Variants in GRIK1 observed in about 807,000 individuals in gnomAD.
GRIK1 encodes the protein glutamate receptor ionotropic, kainate 1.
A neutral mutation model predicts 105.7 loss-of-function variants in GRIK1; 69 were observed. The observed-to-expected ratio is 0.65, with a 90% confidence interval of 0.54 to 0.80. The LOEUF is 0.80. Among genes scored for constraint, GRIK1 ranks in the 30% least tolerant of loss-of-function variants. The probability of loss-of-function intolerance (pLI) is 0.00; values close to 1 mark genes in which losing one functional copy is unlikely to be tolerated. For synonymous variants in GRIK1, 438 were observed against 431.3 expected, an observed-to-expected ratio of 1.02 and a Z score of -0.19; for missense variants, 1,109 against 1,167.3, an observed-to-expected ratio of 0.95 and a Z score of 0.73.
intron 1 of GRIK1, among the ~76,000 whole-genome samples, chr21:29,807,151 T>C (rs1033428537): frequency 1.3e-5 from 2 of 152,170 alleles, no homozygotes; most frequent in Admixed American, 6.6e-5. Flanking sequence ...CAACAATTCT[T>C]CAAGGGATGA....
At chr21:29,627,223 C>T (rs1347243431) in intron 7 of GRIK1, among the ~76,000 whole-genome samples, 1 of 152,192 alleles carries the variant, frequency 6.6e-6, no homozygotes, top group East Asian at 1.9e-4. Flanking sequence ...TGTTAGCACT[C>T]TCTTTCCCAA....
chr21:29,846,590 T>G (rs35956247), intron 1 of GRIK1, among the ~76,000 whole-genome samples: 2 of 152,164 alleles, frequency 1.3e-5, no homozygotes, highest in South Asian at 4.1e-4. Context: ...ATCCATATTG[T>G]TTTTCTGTGA....
At chr21:29,921,481 GTT>G (rs1453708360) in intron 1 of GRIK1, among the ~76,000 whole-genome samples, 1 of 152,068 alleles carries the variant, frequency 6.6e-6, no homozygotes, top group Non-Finnish European at 1.5e-5. Flanking sequence ...TAAAAGTTGA[GTT>G]TTCATAAATC....
At chr21:29,695,476 C>CTATCTATATATA (rs201600727) in intron 1 of GRIK1, among the ~76,000 whole-genome samples, 38 of 139,946 alleles carry the variant, frequency 2.7e-4, no homozygotes, top group Non-Finnish European at 4.9e-4. Context: ...ATCTATCTAT[C>CTATCTATATATA]TATATATATA....
intron 1 of GRIK1, among the ~76,000 whole-genome samples, chr21:29,808,172 C>T (rs528643700): frequency 2.0e-5 from 3 of 152,122 alleles, no homozygotes; most frequent in Non-Finnish European, 4.4e-5. Context: ...GTTTTCAAGT[C>T]GGGTCTGAAG....
At position 29,672,841 on chromosome 21, in the gene GRIK1, G is replaced by A. The variant is rs1356195446; in HGVS notation, c.726+142C>T. 1.8e-5 allele frequency: 12 copies of A among 656,666 alleles called. No individual in the cohort carries two copies. In the African/African-American group the frequency reaches 2.2e-4, roughly 12 times the overall value. 40.7% of individuals were successfully genotyped at this position (656,666 alleles called of 1,614,324 possible). ...CTCTGAGCCCCTTGCCTGTTTAAAAGGGCTCTGAAAATTATAATCTTTAGC... is the reference window on the plus strand; with the variant it reads ...CTCTGAGCCCCTTGCCTGTTTAAAAAGGCTCTGAAAATTATAATCTTTAGC... On this transcript the variant is annotated intron_variant, in intron 4 of 17. Coordinates refer to ENST00000327783, the MANE Select transcript of GRIK1 (RefSeq NM_001330994.2).
chr21:29,629,068 T>C (rs2062197515), intron 7 of GRIK1, among the ~76,000 whole-genome samples: 1 of 152,198 alleles, frequency 6.6e-6, no homozygotes, highest in Non-Finnish European at 1.5e-5. Context: ...TTAACAGTTC[T>C]TGTTTCCAAG....
intron 1 of GRIK1, among the ~76,000 whole-genome samples, chr21:29,759,713 T>C (rs1203455186): frequency 6.6e-6 from 1 of 152,100 alleles, no homozygotes; most frequent in Non-Finnish European, 1.5e-5. Flanking sequence ...GAATATTGGG[T>C]TTAATTTTAG....
At chr21:29,704,317 A>G (rs1211204109) in intron 1 of GRIK1, among the ~76,000 whole-genome samples, 3 of 152,184 alleles carry the variant, frequency 2.0e-5, no homozygotes, top group South Asian at 2.1e-4. Context: ...TCTATCAATA[A>G]AGCAAAAAGC....
At chr21:29,714,787 AT>A (rs11340787) in intron 1 of GRIK1, among the ~76,000 whole-genome samples, 2,007 of 152,214 alleles carry the variant, frequency 0.013, 48 homozygotes, top group African/African-American at 0.046. Context: ...TTCCCTTGAG[AT>A]TCTTTATAAA....
intron 1 of GRIK1, among the ~76,000 whole-genome samples, chr21:29,918,574 T>G (rs1376689592): frequency 1.3e-5 from 2 of 152,132 alleles, no homozygotes; most frequent in Non-Finnish European, 2.9e-5. Flanking sequence ...CGACCAATTC[T>G]CATCTATTTC....
intron 1 of GRIK1, among the ~76,000 whole-genome samples, chr21:29,779,833 T>G (rs1278055806): frequency 6.6e-6 from 1 of 152,206 alleles, no homozygotes; most frequent in Non-Finnish European, 1.5e-5. Context: ...GCTGGAGGTA[T>G]CTAGCTGACA....
At chr21:29,814,531 G>A (rs545955688) in intron 1 of GRIK1, among the ~76,000 whole-genome samples, 1 of 152,110 alleles carries the variant, frequency 6.6e-6, no homozygotes, top group African/African-American at 2.4e-5. Context: ...GATGCCCAAA[G>A]TTCACTAGGA....
chr21:29,828,631 A>G (rs2067542274), intron 1 of GRIK1, among the ~76,000 whole-genome samples: 1 of 152,016 alleles, frequency 6.6e-6, no homozygotes, highest in Admixed American at 6.6e-5. Context: ...CCTCCCAAGT[A>G]GCAGGGACTG....
chr21:29,834,620 C>T (rs1242641287), intron 1 of GRIK1, among the ~76,000 whole-genome samples: 1 of 150,914 alleles, frequency 6.6e-6, no homozygotes, highest in Non-Finnish European at 1.5e-5. Context: ...TGGCAGCATA[C>T]TCTACCCCGA....
chr21:29,650,644 C>T (rs1022535862), intron 6 of GRIK1, among the ~76,000 whole-genome samples: 1 of 152,168 alleles, frequency 6.6e-6, no homozygotes, highest in African/African-American at 2.4e-5. Flanking sequence ...CAGAGGTGAA[C>T]CTATACGCAT....
chr21:29,693,419 T>C (rs987276869), intron 2 of GRIK1, among the ~76,000 whole-genome samples: 4 of 152,208 alleles, frequency 2.6e-5, no homozygotes, highest in African/African-American at 7.2e-5. Flanking sequence ...CATATTTCTA[T>C]GATTTTGTGG....
At chr21:29,743,337 T>C (rs2064974427) in intron 1 of GRIK1, among the ~76,000 whole-genome samples, 1 of 152,126 alleles carries the variant, frequency 6.6e-6, no homozygotes, top group African/African-American at 2.4e-5. Context: ...GTGGTTACCA[T>C]TTATGCTTTG....
At chr21:29,719,150 A>G (rs1214353244) in intron 1 of GRIK1, among the ~76,000 whole-genome samples, 2 of 150,084 alleles carry the variant, frequency 1.3e-5, no homozygotes, top group East Asian at 3.9e-4. Context: ...TTATCTAGAT[A>G]AAAGCTTTTT....
Sources: allele counts gnomAD v4.1 joint callset (sites outside exome capture counted in the v4.1 genomes callset), GRCh38; gene constraint gnomAD v4.1.1; transcripts MANE v1.5; gene names NCBI Gene and HGNC (gene_info 2026-07-23, HGNC 2026-07-21).